TTC28: variants seen among roughly 807,000 people sequenced by gnomAD.
TTC28 encodes tetratricopeptide repeat domain 28.
TTC28 carries 61 observed loss-of-function variants against 198.0 expected under a neutral mutation model. The ratio of observed to expected loss-of-function variants is 0.31; its 90% CI spans 0.25 to 0.38. The LOEUF (loss-of-function observed/expected upper bound fraction) is 0.38. TTC28 is among the 10% of genes least tolerant of loss of function. The pLI, the probability that TTC28 is intolerant of heterozygous loss-of-function variation, is 1.00. For missense variants in TTC28, 2,678 were observed against 3,164.0 expected (o/e 0.85, Z 3.69); for synonymous variants, 1,171 against 1,297.8 (o/e 0.90, Z 2.10).
intron 12 of TTC28, among the ~76,000 whole-genome samples, chr22:28,088,974 ACAC>A (rs1395181930): frequency 6.6e-6 from 1 of 152,214 alleles, no homozygotes; most frequent in Non-Finnish European, 1.5e-5. Flanking sequence ...GTACCATCTC[ACAC>A]CAGTTAGAAT....
At chr22:28,042,673 C>A (rs867170103) in intron 12 of TTC28, among the ~76,000 whole-genome samples, 1 of 151,280 alleles carries the variant, frequency 6.6e-6, no homozygotes, top group African/African-American at 2.4e-5. Context: ...GGGTTGTATA[C>A]CTATGTAACA....
At chr22:28,218,107 C>T (rs1702920584) in intron 5 of TTC28, among the ~76,000 whole-genome samples, 1 of 152,168 alleles carries the variant, frequency 6.6e-6, no homozygotes, top group African/African-American at 2.4e-5. Flanking sequence ...AAACTTGACA[C>T]GTGCTTTTTT....
chr22:28,017,825 C>T (rs1938431058), intron 13 of TTC28, among the ~76,000 whole-genome samples: 1 of 152,148 alleles, frequency 6.6e-6, no homozygotes, highest in Non-Finnish European at 1.5e-5. Context: ...CCCCTGAGAA[C>T]ATTCCCCCCA....
At chr22:28,228,627 G>A (rs948318527) in intron 5 of TTC28, among the ~76,000 whole-genome samples, 1 of 151,854 alleles carries the variant, frequency 6.6e-6, no homozygotes, top group Non-Finnish European at 1.5e-5. Context: ...TAGAACCCGG[G>A]GGGCAGAGGT....
intron 2 of TTC28, among the ~76,000 whole-genome samples, chr22:28,493,486 T>A (rs879913848): frequency 6.6e-6 from 1 of 152,182 alleles, no homozygotes; most frequent in Non-Finnish European, 1.5e-5. Flanking sequence ...TCTACAGGAA[T>A]CACATCACAA....
chr22:28,035,062 C>T (rs1253413354), intron 12 of TTC28, among the ~76,000 whole-genome samples: 1 of 152,206 alleles, frequency 6.6e-6, no homozygotes, highest in African/African-American at 2.4e-5. Context: ...GCATGGCCAC[C>T]TGATCTCTCC....
At chr22:28,442,468 C>A (rs2047640162) in intron 2 of TTC28, among the ~76,000 whole-genome samples, 1 of 152,224 alleles carries the variant, frequency 6.6e-6, no homozygotes. Flanking sequence ...CTTTTAACCC[C>A]TTGGGGAAAT....
intron 1 of TTC28, among the ~76,000 whole-genome samples, chr22:28,642,442 A>C (rs988442680): frequency 2.6e-4 from 39 of 151,650 alleles, no homozygotes; most frequent in African/African-American, 6.0e-4. Context: ...TTAAAAAAAA[A>C]AACAACAAAA....
At chr22:28,333,757 T>C (rs1308777614) in intron 2 of TTC28, among the ~76,000 whole-genome samples, 3 of 152,154 alleles carry the variant, frequency 2.0e-5, no homozygotes, top group African/African-American at 7.2e-5. Flanking sequence ...ACTTTGTTAA[T>C]TATGGTGAAA....
rs902358990 is a variant in TTC28 at position 28,428,850 on chromosome 22, C to T, written c.382-122207G>A. On this transcript the variant is annotated intron_variant, in intron 2 of 22. Coordinates refer to ENST00000397906, the MANE Select transcript of TTC28 (RefSeq NM_001145418.2). ...AGAGGCGGGGTTCCACCATGATAGCCAGGATGGTCTCGATCTCCTGACCTC... is the reference window on the plus strand; with the variant it reads ...AGAGGCGGGGTTCCACCATGATAGCTAGGATGGTCTCGATCTCCTGACCTC... 2.0e-5 allele frequency among the ~76,000 whole-genome samples: 3 copies of T among 151,898 alleles called. No homozygotes were observed. The South Asian group carries it at 6.2e-4, about 31-fold the overall frequency.
chr22:28,260,789 A>G (rs1208442851), intron 5 of TTC28, among the ~76,000 whole-genome samples: 1 of 152,176 alleles, frequency 6.6e-6, no homozygotes, highest in Non-Finnish European at 1.5e-5. Flanking sequence ...GTACCAATTC[A>G]GCTCTAGACT....
At chr22:28,475,250 C>T (rs887688020) in intron 2 of TTC28, among the ~76,000 whole-genome samples, 2 of 151,674 alleles carry the variant, frequency 1.3e-5, no homozygotes, top group Admixed American at 6.6e-5. Context: ...TTCAGGGCTG[C>T]GGGTGGCCAG....
At chr22:28,254,739 G>T (rs1052310948) in intron 5 of TTC28, among the ~76,000 whole-genome samples, 2 of 152,072 alleles carry the variant, frequency 1.3e-5, no homozygotes, top group African/African-American at 4.8e-5. Context: ...AAAGCGTCAA[G>T]TATGAGACCC....
At chr22:28,141,440 A>C (rs1227548055) in intron 6 of TTC28, among the ~76,000 whole-genome samples, 1 of 152,200 alleles carries the variant, frequency 6.6e-6, no homozygotes, top group Non-Finnish European at 1.5e-5. Context: ...ACAAACGAAT[A>C]AAAGACCCTA....
At chr22:28,380,394 C>A (rs753857602) in intron 2 of TTC28, among the ~76,000 whole-genome samples, 1 of 152,206 alleles carries the variant, frequency 6.6e-6, no homozygotes, top group Admixed American at 6.5e-5. Flanking sequence ...AATCAAAAAT[C>A]TCTTTCTCAA....
chr22:28,084,824 A>T (rs1047767923), intron 12 of TTC28, among the ~76,000 whole-genome samples: 7 of 152,196 alleles, frequency 4.6e-5, no homozygotes, highest in Non-Finnish European at 8.8e-5. Context: ...AAAGGACCTG[A>T]TGGAGCTGAA....
In TTC28 at chr22:28,604,475, G is replaced by T. The variant is rs559493723; in HGVS notation, c.381+25077C>A. On this transcript the variant is annotated intron_variant, in intron 2 of 22. Transcript: ENST00000397906. ...ATAGAAAATGCTGGCCGGGCACAGT[G>T]GCTCACGCCTGTAATCCCAGCACTT... 4.6e-4 allele frequency among the ~76,000 whole-genome samples: 70 copies of T among 151,866 alleles called. No individual in the cohort carries two copies. The South Asian group carries it at 6.9e-3, about 15-fold the overall frequency.
At chr22:28,380,986 A>G (rs1038598095) in intron 2 of TTC28, among the ~76,000 whole-genome samples, 1 of 152,060 alleles carries the variant, frequency 6.6e-6, no homozygotes. Context: ...CTTACCTACT[A>G]TGAATTCCTA....
intron 2 of TTC28, among the ~76,000 whole-genome samples, chr22:28,543,389 A>AGAAGATGAAGAT (rs145747661): frequency 1.3e-5 from 2 of 151,250 alleles, no homozygotes; most frequent in African/African-American, 4.9e-5. Flanking sequence ...GAAGAAGAAA[A>AGAAGATGAAGAT]GAAGATGAAG....
Sources: allele counts gnomAD v4.1 joint callset (sites outside exome capture counted in the v4.1 genomes callset), GRCh38; gene constraint gnomAD v4.1.1; transcripts MANE v1.5; gene names NCBI Gene and HGNC (gene_info 2026-07-23, HGNC 2026-07-21).